WNT11: variants seen among roughly 807,000 people sequenced by gnomAD.
WNT11 encodes the protein Wnt family member 11.
Under a neutral mutation model 35.6 loss-of-function variants are expected in WNT11, and 20 were observed. That is an observed-to-expected ratio of 0.56 (90% CI 0.40 to 0.82). The LOEUF is 0.82. WNT11 is among the 40% of genes least tolerant of loss of function. The pLI is 0.00. For synonymous variants in WNT11, 200 were observed against 211.9 expected (o/e 0.94, Z 0.49); for missense variants, 459 against 504.4 (o/e 0.91, Z 0.86).
intron 1 of WNT11, among the ~76,000 whole-genome samples, chr11:76,203,828 C>T (rs966223936): frequency 6.6e-6 from 1 of 152,214 alleles, no homozygotes; most frequent in Non-Finnish European, 1.5e-5. Flanking sequence ...TGGGTGAGTC[C>T]CCGGCTTTCC....
chr11:76,197,098 A>C (rs1953300114), intron 1 of WNT11, among the ~76,000 whole-genome samples: 1 of 152,262 alleles, frequency 6.6e-6, no homozygotes, highest in Admixed American at 6.5e-5. Flanking sequence ...TTCAACATTC[A>C]TTCAACACTG....
At chr11:76,206,548 G>C, upstream of WNT11, 1 of 1,221,394 alleles carries the variant, frequency 8.2e-7, no homozygotes, top group Non-Finnish European at 1.0e-6. Context: ...GCGCGGGCGG[G>C]GGAGGCGTTT....
At chr11:76,188,813 G>A (rs1183836100) in intron 4 of WNT11, among the ~76,000 whole-genome samples, 1 of 152,248 alleles carries the variant, frequency 6.6e-6, no homozygotes, top group Non-Finnish European at 1.5e-5. Flanking sequence ...GCCGTGCAGA[G>A]GAGGGAAGGA....
At position 76,186,975 on chromosome 11, in the gene WNT11, G is replaced by A. The variant is rs1348040451; in HGVS notation, c.*90C>T. 2.5e-6 allele frequency: 4 copies of A among 1,573,554 alleles called. No individual in the cohort carries two copies. In the East Asian group the frequency reaches 9.1e-5, roughly 36 times the overall value. ...CTGGCATCTGGAATTCACAAGCAGA[G>A]CTCCATGGAGTGTCTCCAGGCCCCT... On this transcript the variant is annotated 3_prime_UTR_variant, in exon 5 of 5. Transcript: ENST00000322563.
chr11:76,195,201 T>C, intron 2 of WNT11: 1 of 298,846 alleles, frequency 3.3e-6, no homozygotes, highest in African/African-American at 2.1e-5. Flanking sequence ...AAGGACCTGC[T>C]ATGCGTGGAC....
chr11:76,209,472 C>A (rs1298419040), upstream of WNT11, among the ~76,000 whole-genome samples: 2 of 152,196 alleles, frequency 1.3e-5, no homozygotes, highest in East Asian at 3.9e-4. Flanking sequence ...ATTGTCCGCG[C>A]GGCGCGCAAG....
chr11:76,187,267 T>C, intron 4 of WNT11, 28 bp from the exon 5 acceptor site: 1 of 1,587,246 alleles, frequency 6.3e-7, no homozygotes, highest in Non-Finnish European at 8.5e-7. Flanking sequence ...AGGAGGTCAG[T>C]GCATGCCTTG....
In WNT11 at chr11:76,191,623, C is replaced by T; in HGVS notation, c.831G>A (p.Gln277=). ...TCTTCATGCAGAAGTCAGGTGAGCT[C>T]TGCAGATAGACGAGTTCCGAGTCCT... is the stretch of plus-strand genomic sequence containing the variant. ...PVKDSELVYL[Q]SSPDFCMKNE... The change falls in exon 4 of 5, where the codon CAG becomes CAA. Residue 277 remains glutamine, a synonymous_variant. Coordinates refer to ENST00000322563, the MANE Select transcript of WNT11 (RefSeq NM_004626.3). 1 of 1,613,990 alleles carries T rather than the reference C, an allele frequency of 6.2e-7. No homozygotes were observed. The highest frequency in any genetic ancestry group is 8.5e-7 in the Non-Finnish European group (1 of 1,180,008).
At chr11:76,197,862 A>T (rs1056280217) in intron 1 of WNT11, among the ~76,000 whole-genome samples, 3 of 152,012 alleles carry the variant, frequency 2.0e-5, no homozygotes, top group Non-Finnish European at 4.4e-5. Flanking sequence ...AGGACCCCAC[A>T]ACCTTAAAGG....
intron 1 of WNT11, among the ~76,000 whole-genome samples, chr11:76,197,002 A>G (rs1040816459): frequency 1.3e-5 from 2 of 152,252 alleles, no homozygotes; most frequent in Non-Finnish European, 2.9e-5. Context: ...TAGGATAATT[A>G]TACTAACAAA....
chr11:76,195,828 A>G lies in WNT11; in HGVS notation c.319+655T>C, dbSNP rs527404729. On this transcript the variant is annotated intron_variant, in intron 2 of 4. Coordinates refer to ENST00000322563, the MANE Select transcript of WNT11 (RefSeq NM_004626.3). ...TCTGGAGTTCAAATAATTCAGTAAG[A>G]AAAGAATGTTTGTCAAACATTAGCT... Among the ~76,000 whole-genome samples the G allele has an allele frequency of 5.9e-5, 9 of 152,364 alleles. No homozygotes were observed. The South Asian group carries it at 1.9e-3, about 32-fold the overall frequency.
chr11:76,206,246 C>T, intron 1 of WNT11, 79 bp downstream of exon 1: 1 of 1,272,200 alleles, frequency 7.9e-7, no homozygotes, highest in Non-Finnish European at 1.0e-6. Context: ...GGTGCGCTCG[C>T]CCCATCCAGG....
Position 76,187,080 on chromosome 11 carries a change from G to A in WNT11, c.1050C>T (p.Arg350=). The part of the protein sequence containing the change: ...TCRRCERTVE[R]YVCK ...GGGCAGGGCCTCACTTGCAGACATA[G>A]CGCTCCACGGTACGCTCACACCTGC... The change falls in exon 5 of 5, where the codon CGC becomes CGT. Residue 350 remains arginine (R), a synonymous_variant. Coordinates refer to ENST00000322563, the MANE Select transcript of WNT11 (RefSeq NM_004626.3). 1 of 1,611,034 alleles carries A rather than the reference G, an allele frequency of 6.2e-7. No homozygotes were observed. Among genetic ancestry groups the A allele is most frequent in the South Asian group, 1.1e-5 (1 of 91,090 alleles).
At position 76,194,837 on chromosome 11, in the gene WNT11, C is replaced by G; in HGVS notation, c.327G>C (p.Arg109=). 2.0e-6 allele frequency: 3 copies of G among 1,511,350 alleles called. No individual in the cohort carries two copies. Among genetic ancestry groups the G allele is most frequent in the Non-Finnish European group, 2.6e-6 (3 of 1,135,904 alleles). The allele number at this position is 1,511,350 out of a possible 1,614,324, so 93.6% of individuals were successfully genotyped here. A position where few individuals can be genotyped will look rare whatever the true frequency, so the allele number is the denominator to read the frequency against. ...ACAGCGCATACACGAAGGCCGACTC[C>G]CGGGTCCCTGAGGGTGGGAGGGGAA... ...NYLLDLERGT[R]ESAFVYALSA... is the part of the protein sequence containing the mutation. The change falls in exon 3 of 5, where the codon CGG becomes CGC. Residue 109 remains arginine, a synonymous_variant. Transcript: ENST00000322563. The surrounding 1 kb of genome is among the most constrained non-coding windows in gnomAD (Gnocchi z 5.4).
intron 1 of WNT11, among the ~76,000 whole-genome samples, chr11:76,201,828 A>G (rs558168463): frequency 3.3e-5 from 5 of 152,262 alleles, no homozygotes; most frequent in African/African-American, 1.2e-4. Context: ...AAGCTGCCAA[A>G]TGACTTCACT....
At chr11:76,197,830 C>A (rs1223614867) in intron 1 of WNT11, among the ~76,000 whole-genome samples, 1 of 152,116 alleles carries the variant, frequency 6.6e-6, no homozygotes, top group Non-Finnish European at 1.5e-5. Context: ...TCTCTGAGGG[C>A]AGCCTGCATC....
chr11:76,197,672 C>A (rs1169750977), intron 1 of WNT11, among the ~76,000 whole-genome samples: 1 of 152,126 alleles, frequency 6.6e-6, no homozygotes, highest in African/African-American at 2.4e-5. Context: ...CCACCTCGTC[C>A]GTGCTTTGGG....
intron 1 of WNT11, among the ~76,000 whole-genome samples, chr11:76,204,004 C>T (rs769460221): frequency 4.6e-5 from 7 of 152,212 alleles, no homozygotes; most frequent in Non-Finnish European, 8.8e-5. Context: ...TCTGTTTCCT[C>T]TTCTGTGCAA....
In WNT11 at chr11:76,186,719, C is replaced by A; in HGVS notation, c.*346G>T. On this transcript the variant is annotated 3_prime_UTR_variant, in exon 5 of 5. Coordinates refer to ENST00000322563, the MANE Select transcript of WNT11 (RefSeq NM_004626.3). ...AACATTCTGAAGAAGGCGGGCAGAC[C>A]CCTTCCCGGAGGCTGGTCTCTGTGG... 2.5e-6 allele frequency: 1 copy of A among 402,780 alleles called. No individual in the cohort carries two copies. The highest frequency in any genetic ancestry group is 1.9e-5 in the South Asian group (1 of 51,540). The allele number at this position is 402,780 out of a possible 1,614,324, so 25.0% of individuals were successfully genotyped here.
Sources: gnomAD v4.1 joint callset for allele counts (sites outside exome capture counted in the v4.1 genomes callset) on GRCh38, gnomAD v4.1.1 for gene constraint, Gnocchi (gnomAD v3.1) non-coding constraint, MANE v1.5 for transcripts, NCBI Gene and HGNC (gene_info 2026-07-23, HGNC 2026-07-21) for gene names.